Variants in SRGAP2C observed in about 807,000 individuals in gnomAD.
SRGAP2C encodes SLIT-ROBO Rho GTPase activating protein 2C, also known as SLIT-ROBO Rho GTPase-activating protein 2C.
Under a neutral mutation model 25.1 loss-of-function variants are expected in SRGAP2C, and 15 were observed. The ratio of observed to expected loss-of-function variants is 0.60; its 90% CI spans 0.40 to 0.92. The LOEUF is 0.92. Ranked by LOEUF, SRGAP2C falls within the 40% of genes least tolerant of loss-of-function variation. SRGAP2C has a pLI of 0.00. For missense variants in SRGAP2C, 144 were observed against 264.4 expected, an observed-to-expected ratio of 0.54 and a Z score of 3.16; for synonymous variants, 44 against 96.6, an observed-to-expected ratio of 0.46 and a Z score of 3.19.
At chr1:121,270,115 C>A (rs1487721401) in intron 2 of SRGAP2C, among the ~76,000 whole-genome samples, 2 of 140,848 alleles carry the variant, frequency 1.4e-5, no homozygotes, top group Non-Finnish European at 3.1e-5. Context: ...TGCAAGATTT[C>A]TGTTTCTCAA....
chr1:121,223,963 G>A (rs1203302804), intron 2 of SRGAP2C, among the ~76,000 whole-genome samples: 5 of 147,388 alleles, frequency 3.4e-5, no homozygotes, highest in African/African-American at 1.3e-4. Flanking sequence ...AGTTATTAAT[G>A]GAAATGTCAC....
chr1:121,303,421 A>G (rs1489220050), intron 3 of SRGAP2C, among the ~76,000 whole-genome samples: 9 of 151,704 alleles, frequency 5.9e-5, no homozygotes, highest in African/African-American at 1.5e-4. Flanking sequence ...TGTCTTATTG[A>G]TATGTCCCCA....
chr1:121,374,465 A>G (rs1200197642), intron 6 of SRGAP2C, among the ~76,000 whole-genome samples: 2 of 152,118 alleles, frequency 1.3e-5, no homozygotes, highest in East Asian at 3.9e-4. Context: ...TCAATATCCT[A>G]TTGCTTTGGA....
chr1:121,273,800 A>G (rs1370776948), intron 2 of SRGAP2C, among the ~76,000 whole-genome samples: 2 of 151,800 alleles, frequency 1.3e-5, no homozygotes, highest in Non-Finnish European at 2.9e-5. Flanking sequence ...TGTTGTTGAC[A>G]TGACTGCTGA....
At chr1:121,345,483 G>GGAGGAGTA (rs1658719826) in intron 4 of SRGAP2C, among the ~76,000 whole-genome samples, 1 of 147,782 alleles carries the variant, frequency 6.8e-6, no homozygotes, top group South Asian at 2.2e-4. Context: ...GGCAGTGAGA[G>GGAGGAGTA]GAGGAGTAGA....
At chr1:121,202,079 A>G (rs1386022809) in intron 2 of SRGAP2C, among the ~76,000 whole-genome samples, 4 of 152,226 alleles carry the variant, frequency 2.6e-5, no homozygotes, top group African/African-American at 9.6e-5. Context: ...AGTATACCGC[A>G]GCCCACCTTC....
intron 2 of SRGAP2C, among the ~76,000 whole-genome samples, chr1:121,261,092 C>T (rs1377388958): frequency 8.1e-4 from 19 of 23,508 alleles, no homozygotes; most frequent in African/African-American, 2.3e-3. Flanking sequence ...CCACACCTGG[C>T]TATTTTTTTT....
intron 2 of SRGAP2C, among the ~76,000 whole-genome samples, chr1:121,188,458 C>A (rs1225325148): frequency 1.3e-5 from 2 of 148,348 alleles, no homozygotes; most frequent in Non-Finnish European, 3.0e-5. Flanking sequence ...TGTGTTTGTG[C>A]AAGGCACTGT....
intron 4 of SRGAP2C, among the ~76,000 whole-genome samples, chr1:121,337,683 A>G (rs1658547890): frequency 6.8e-6 from 1 of 147,168 alleles, no homozygotes; most frequent in African/African-American, 2.5e-5. Flanking sequence ...TCTCTGAGAA[A>G]AGGAGAGGAT....
rs782301279 is a variant in SRGAP2C, at chr1:121,382,866, TACA to T, written c.1003_1005del (p.Asn335del). The T allele has an allele frequency of 6.7e-6, 4 of 596,606 alleles. No individual in the cohort carries two copies. The highest frequency in any genetic ancestry group is 5.4e-5 in the African/African-American group (2 of 37,228). 37.0% of individuals were successfully genotyped at this position (596,606 alleles called of 1,614,324 possible). A position where few individuals can be genotyped will look rare whatever the true frequency, so the allele number is the denominator to read the frequency against. Reference sequence around the variant, plus strand: ...TGACAAGCAGCGCCTCATGGAGATGTACAACAACGTCTTCTGCCCCCCTATGAA... The same window carrying T: ...TGACAAGCAGCGCCTCATGGAGATGTACAACGTCTTCTGCCCCCCTATGAA... On this transcript the variant is annotated inframe_deletion, in exon 8 of 10. Coordinates refer to ENST00000367123, the MANE Select transcript of SRGAP2C (RefSeq NM_001329984.2).
chr1:121,293,079 AT>A (rs1472325168), intron 3 of SRGAP2C, among the ~76,000 whole-genome samples: 1 of 130,504 alleles, frequency 7.7e-6, no homozygotes, highest in Non-Finnish European at 1.6e-5. Context: ...TAAAGTGCCA[AT>A]GCTAGGCATT....
chr1:121,254,836 G>C (rs1239757723), intron 2 of SRGAP2C, among the ~76,000 whole-genome samples: 1 of 151,718 alleles, frequency 6.6e-6, no homozygotes, highest in Non-Finnish European at 1.5e-5. Flanking sequence ...GTACCAGACT[G>C]TACAGGAGTC....
At chr1:121,369,534 G>A (rs1157279393) in intron 5 of SRGAP2C, among the ~76,000 whole-genome samples, 5 of 152,068 alleles carry the variant, frequency 3.3e-5, no homozygotes, top group African/African-American at 1.2e-4. Flanking sequence ...TGGAGCAGCG[G>A]CTGTGTGCTG....
At chr1:121,216,054 G>A (rs587673852) in intron 2 of SRGAP2C, among the ~76,000 whole-genome samples, 68 of 152,118 alleles carry the variant, frequency 4.5e-4, no homozygotes, top group African/African-American at 1.6e-3. Context: ...GAACTATGGG[G>A]AGCTTAGAAA....
intron 2 of SRGAP2C, among the ~76,000 whole-genome samples, chr1:121,271,170 T>C (rs1362122460): frequency 1.3e-5 from 2 of 150,644 alleles, no homozygotes; most frequent in Non-Finnish European, 3.0e-5. Context: ...CTAGTCTGTT[T>C]ATAATCTTTT....
rs1198459981 is a variant in SRGAP2C at position 121,372,221 on chromosome 1, C to T, written c.487-1750C>T. 1.1e-4 allele frequency among the ~76,000 whole-genome samples: 16 copies of T among 152,116 alleles called. No individual in the cohort carries two copies. In the South Asian group the frequency reaches 2.9e-3, roughly 28 times the overall value. On this transcript the variant is annotated intron_variant, in intron 5 of 9. Coordinates refer to ENST00000367123, the MANE Select transcript of SRGAP2C (RefSeq NM_001329984.2). ...AGTGTCCCAGTATTCTTTATTCTTTCGTCTGCCTCTAGCTGATCGTAGGGC... is the reference window on the plus strand; with the variant it reads ...AGTGTCCCAGTATTCTTTATTCTTTTGTCTGCCTCTAGCTGATCGTAGGGC...
At chr1:121,290,239 ACACTTAG>A (rs1240555273) in intron 3 of SRGAP2C, among the ~76,000 whole-genome samples, 9 of 152,254 alleles carry the variant, frequency 5.9e-5, no homozygotes, top group Admixed American at 1.3e-4. Context: ...ACAAATTGCT[ACACTTAG>A]CACTTAGCAC....
intron 2 of SRGAP2C, among the ~76,000 whole-genome samples, chr1:121,198,281 G>GT (rs71278814): frequency 0.067 from 9,581 of 142,000 alleles, 915 homozygotes; most frequent in African/African-American, 0.23. Context: ...TATTCTCTTT[G>GT]TTTTTTTTTT....
At chr1:121,331,865 C>T (rs1265001001) in intron 4 of SRGAP2C, among the ~76,000 whole-genome samples, 1 of 151,926 alleles carries the variant, frequency 6.6e-6, no homozygotes, top group Non-Finnish European at 1.5e-5. Context: ...TTAGAAAAAA[C>T]AAATCTGATC....
Sources: allele counts gnomAD v4.1 joint callset (sites outside exome capture counted in the v4.1 genomes callset), GRCh38; gene constraint gnomAD v4.1.1; transcripts MANE v1.5; gene names NCBI Gene and HGNC (gene_info 2026-07-23, HGNC 2026-07-21).